ANKFY1: variants seen among roughly 807,000 people sequenced by gnomAD.
ANKFY1 encodes ankyrin repeat and FYVE domain containing 1.
In ANKFY1, 47 loss-of-function variants were observed where a neutral mutation model predicts 128.3. The observed-to-expected ratio is 0.37, with a 90% CI of 0.29 to 0.47. The LOEUF is 0.47. Among genes scored for constraint, ANKFY1 ranks in the 20% least tolerant of loss-of-function variants. ANKFY1 has a pLI of 1.00. For synonymous variants in ANKFY1, 553 were observed against 601.6 expected, an observed-to-expected ratio of 0.92 and a Z score of 1.18; for missense variants, 1,222 against 1,510.6, an observed-to-expected ratio of 0.81 and a Z score of 3.17.
intron 11 of ANKFY1, chr17:4,186,699 C>T (rs1598034413): frequency 1.9e-6 from 1 of 520,418 alleles, no homozygotes; most frequent in East Asian, 1.5e-4. Flanking sequence ...CTCCTCCTCC[C>T]CTGCTCCTCC....
In ANKFY1 at chr17:4,235,642, A is replaced by C. The variant is rs16953825; in HGVS notation, c.322+130T>G. 0.012 allele frequency: 8,577 copies of C among 696,742 alleles called. 526 individuals are homozygous for C. In the African/African-American group the frequency reaches 0.13, roughly 11 times the overall value. 43.2% of individuals were successfully genotyped at this position (696,742 alleles called of 1,614,324 possible). A position where few individuals can be genotyped will look rare whatever the true frequency, so the allele number is the denominator to read the frequency against. On this transcript the variant is annotated intron_variant, in intron 3 of 24. Coordinates refer to ENST00000341657, the MANE Select transcript of ANKFY1 (RefSeq NM_001330063.2). The stretch of plus-strand genomic sequence containing the variant: ...GATTCATTAATTATTTAACTAGTTC[A>C]TGGTTGCCATCAATTGCTTAATTAT...
At chr17:4,253,219 TCAA>T (rs577126406) in intron 1 of ANKFY1, among the ~76,000 whole-genome samples, 19 of 151,882 alleles carry the variant, frequency 1.3e-4, no homozygotes, top group East Asian at 5.8e-4. Context: ...AGACTCCATC[TCAA>T]CAACAACAAC....
chr17:4,179,498 A>T lies in ANKFY1; in HGVS notation c.2397+223T>A. ...AAATCTGTAACTAAGGGGGAATAGG[A>T]GGCAAAGAGAAAGAGCTGAAACAAA... is the stretch of plus-strand genomic sequence containing the variant. On this transcript the variant is annotated intron_variant, in intron 17 of 24. Coordinates refer to ENST00000341657, the MANE Select transcript of ANKFY1 (RefSeq NM_001330063.2). 3 of 596,442 alleles carry T rather than the reference A, an allele frequency of 5.0e-6. No homozygotes were observed. The South Asian group carries it at 7.0e-5, about 14-fold the overall frequency. The allele number at this position is 596,442 out of a possible 1,614,324, so 36.9% of individuals were successfully genotyped here. A position where few individuals can be genotyped will look rare whatever the true frequency, so the allele number is the denominator to read the frequency against.
chr17:4,220,026 T>C (rs1369866994), intron 3 of ANKFY1, among the ~76,000 whole-genome samples: 2 of 152,226 alleles, frequency 1.3e-5, no homozygotes, highest in African/African-American at 2.4e-5. Flanking sequence ...GGTTTCACCA[T>C]GTTAGCCAGA....
rs1261022116 is a variant in ANKFY1, at chr17:4,196,576, A to T, written c.1103+797T>A. Among the ~76,000 whole-genome samples the T allele has an allele frequency of 5.9e-5, 9 of 152,352 alleles. No homozygotes were observed. In the South Asian group the frequency reaches 1.9e-3, roughly 32 times the overall value. On this transcript the variant is annotated intron_variant, in intron 8 of 24. Transcript: ENST00000341657. ...ATTTCTGGAAAGGGGCAAAATGAAC[A>T]CAATAAATATTGTTAAATATGCAAA...
chr17:4,221,221 CTTTA>C (rs948770168), intron 3 of ANKFY1, among the ~76,000 whole-genome samples: 1 of 152,100 alleles, frequency 6.6e-6, no homozygotes, highest in African/African-American at 2.4e-5. Flanking sequence ...TTGTTTTTTA[CTTTA>C]TTTATTTAGG....
intron 3 of ANKFY1, among the ~76,000 whole-genome samples, chr17:4,224,762 C>T (rs2060394793): frequency 1.3e-5 from 2 of 151,926 alleles, no homozygotes; most frequent in African/African-American, 4.8e-5. Flanking sequence ...ATTAGCTTTT[C>T]TGTGAACCAG....
intron 4 of ANKFY1, among the ~76,000 whole-genome samples, chr17:4,210,707 G>GGAAA (rs1416379929): frequency 4.8e-4 from 1 of 2,072 alleles, no homozygotes; most frequent in Non-Finnish European, 2.6e-3. Context: ...AAACTCTGTC[G>GGAAA]CAAAAAAAAA....
chr17:4,258,679 T>A (rs1375464295), intron 1 of ANKFY1, among the ~76,000 whole-genome samples: 1 of 152,208 alleles, frequency 6.6e-6, no homozygotes, highest in Non-Finnish European at 1.5e-5. Context: ...TAGGGGGAGC[T>A]ACTAGCCACA....
Position 4,182,261 on chromosome 17 carries a change from T to C in ANKFY1, c.2041A>G (p.Met681Val), listed in dbSNP as rs766347228. ...VDAICTRGADMSVPDEKGNPP... is the reference protein window; with the variant it reads ...VDAICTRGADVSVPDEKGNPP... ...TTCCCCTTCTCATCTGGCACAGACA[T>C]GTCAGCTCCTCGGGTGCATATGGCA... The change falls in exon 15 of 25, where the codon ATG becomes GTG. Residue 681 changes from methionine to valine, a missense_variant. Met to Val is a conservative substitution (Grantham distance 21). Coordinates refer to ENST00000341657, the MANE Select transcript of ANKFY1 (RefSeq NM_001330063.2). The C allele has an allele frequency of 1.9e-6, 3 of 1,595,282 alleles. No homozygotes were observed. The highest frequency in any genetic ancestry group is 1.2e-5 in the South Asian group (1 of 85,862).
At position 4,177,234 on chromosome 17, in the gene ANKFY1, G is replaced by A. The variant is rs772767538; in HGVS notation, c.2667C>T (p.Phe889=). The stretch of plus-strand genomic sequence containing the variant: ...TCACATTAGCGTGGACACTGATCAG[G>A]AACAGCACACTTTCAATATCAGAGT... The part of the protein sequence containing the change: ...VQNSDIESVL[F]LISVHANVNS... Residue 889 remains phenylalanine, a synonymous_variant, in exon 19 of 25, where the codon TTC becomes TTT. Coordinates refer to ENST00000341657, the MANE Select transcript of ANKFY1 (RefSeq NM_001330063.2). The A allele has an allele frequency of 1.2e-6, 2 of 1,606,476 alleles. No individual in the cohort carries two copies. Among genetic ancestry groups the A allele is most frequent in the East Asian group, 4.5e-5 (2 of 44,556 alleles).
At chr17:4,195,515 T>C (rs2059802181) in intron 8 of ANKFY1, 44 bp from the exon 9 acceptor site, 3 of 1,521,760 alleles carry the variant, frequency 2.0e-6, no homozygotes, top group African/African-American at 2.7e-5. Context: ...GACAGGCCTG[T>C]TCAGGATGAC....
chr17:4,195,409 C>A lies in ANKFY1; in HGVS notation c.1166G>T (p.Cys389Phe). 1 of 1,614,110 alleles carries A rather than the reference C, an allele frequency of 6.2e-7. No individual in the cohort carries two copies. Among genetic ancestry groups the A allele is most frequent in the South Asian group, 1.1e-5 (1 of 91,080 alleles). ...TGCGTGTCTCCCTACGTACTGTTTG[C>A]ACTGCAGCAGCTGACTGAACACATA... is the stretch of plus-strand genomic sequence containing the variant. ...NEYVFSQLLQ[C>F]KQLDLELKDH... The change falls in exon 9 of 25, where the codon TGC becomes TTC. Residue 389 changes from cysteine (C) to phenylalanine (F), a missense_variant. Physicochemically the swap from Cys to Phe is radical, Grantham distance 205. Coordinates refer to ENST00000341657, the MANE Select transcript of ANKFY1 (RefSeq NM_001330063.2).
At chr17:4,230,706 G>A (rs4790187) in intron 3 of ANKFY1, among the ~76,000 whole-genome samples, 2 of 152,088 alleles carry the variant, frequency 1.3e-5, no homozygotes, top group Admixed American at 1.3e-4. Context: ...ATATATGTAT[G>A]CACTATGAAA....
chr17:4,182,361 T>C lies in ANKFY1; in HGVS notation c.1953-12A>G. The C allele has an allele frequency of 3.3e-6, 5 of 1,528,908 alleles. No individual in the cohort carries two copies. The highest frequency in any genetic ancestry group is 4.4e-6 in the Non-Finnish European group (5 of 1,127,706). The allele number at this position is 1,528,908 out of a possible 1,614,324, so 94.7% of individuals were successfully genotyped here. A position where few individuals can be genotyped will look rare whatever the true frequency, so the allele number is the denominator to read the frequency against. On this transcript the variant is annotated splice_polypyrimidine_tract_variant and intron_variant, in intron 14 of 24. Transcript: ENST00000341657. ...CCCCGTCCTGAGTCCTGCTAGGACA[T>C]GCACACCCAAACCAACGTTTGTGGT... is the stretch of plus-strand genomic sequence containing the variant.
rs2060344119 is a variant in ANKFY1 at position 4,222,527 on chromosome 17, T to C, written c.323-5409A>G. The C allele has an allele frequency of 2.8e-6, 3 of 1,088,330 alleles. No individual in the cohort carries two copies. In the African/African-American group the frequency reaches 4.6e-5, roughly 17 times the overall value. The allele number at this position is 1,088,330 out of a possible 1,614,324, so 67.4% of individuals were successfully genotyped here. On this transcript the variant is annotated intron_variant, in intron 3 of 24. Transcript: ENST00000341657. Reference sequence around the variant, plus strand: ...GTTCAGGGAGAAGTTCTACGCACTTTATCAGTATTTCGGGTAGAGCTTTCC... The same window carrying C: ...GTTCAGGGAGAAGTTCTACGCACTTCATCAGTATTTCGGGTAGAGCTTTCC...
chr17:4,173,814 A>T, intron 20 of ANKFY1, 95 bp downstream of exon 20: 7 of 1,472,192 alleles, frequency 4.8e-6, no homozygotes, highest in Non-Finnish European at 6.4e-6. Flanking sequence ...GTAAAAGCCA[A>T]CCTCCCCAGT....
chr17:4,240,823 C>T (rs956013424), intron 2 of ANKFY1, among the ~76,000 whole-genome samples: 5 of 152,208 alleles, frequency 3.3e-5, no homozygotes, highest in African/African-American at 1.2e-4. Context: ...CCCTGCTTTT[C>T]CCACCTCTCA....
intron 6 of ANKFY1, 69 bp from the exon 7 acceptor site, chr17:4,206,555 C>T: frequency 7.0e-7 from 1 of 1,424,738 alleles, no homozygotes; most frequent in Non-Finnish European, 9.7e-7. Context: ...TTTCTCCCAC[C>T]TTGACCCTTA....
Sources: gnomAD v4.1 joint callset for allele counts (sites outside exome capture counted in the v4.1 genomes callset) on GRCh38, gnomAD v4.1.1 for gene constraint, MANE v1.5 for transcripts, NCBI Gene and HGNC (gene_info 2026-07-23, HGNC 2026-07-21) for gene names.